The following ELOVL7 variants were observed in gnomAD, a reference collection of about 807,000 sequenced individuals.
ELOVL7 encodes ELOVL fatty acid elongase 7.
A neutral mutation model predicts 35.7 loss-of-function variants in ELOVL7; 27 were observed. That is an observed-to-expected ratio of 0.76 (90% confidence interval 0.56 to 1.04). The LOEUF (loss-of-function observed/expected upper bound fraction) is 1.04, where lower values mean the gene tolerates loss of function less well. Among genes scored for constraint, ELOVL7 ranks in the 50% least tolerant of loss-of-function variants. The pLI, the probability that ELOVL7 is intolerant of heterozygous loss-of-function variation, is 0.00. For synonymous variants in ELOVL7, 113 were observed against 114.6 expected, an observed-to-expected ratio of 0.99 and a Z score of 0.09; for missense variants, 327 against 340.8, an observed-to-expected ratio of 0.96 and a Z score of 0.32.
At position 60,806,799 on chromosome 5, in the gene ELOVL7, TAGAA is replaced by T. The variant is rs1195507765; in HGVS notation, c.-85-7573_-85-7570del. ...TCAGGGAACACCCATGCTGGGGAAA[TAGAA>T]AGAGAATCCAGGGACAAACATAAAG... is the stretch of plus-strand genomic sequence containing the variant. On this transcript the variant is annotated intron_variant, in intron 1 of 8. Transcript: ENST00000508821. Among the ~76,000 whole-genome samples, 14 of 151,878 alleles carry T rather than the reference TAGAA, an allele frequency of 9.2e-5. No homozygotes were observed. The East Asian group carries it at 2.5e-3, about 27-fold the overall frequency.
At chr5:60,775,489 A>T (rs1455483693) in intron 3 of ELOVL7, among the ~76,000 whole-genome samples, 1 of 152,220 alleles carries the variant, frequency 6.6e-6, no homozygotes, top group Non-Finnish European at 1.5e-5. Flanking sequence ...TCTCAAATTC[A>T]TAGAAAACCA....
chr5:60,793,173 G>A (rs911699521), intron 2 of ELOVL7, among the ~76,000 whole-genome samples: 2 of 152,166 alleles, frequency 1.3e-5, no homozygotes, highest in Admixed American at 6.5e-5. Context: ...AGCACCCACT[G>A]TACCTCTCAA....
chr5:60,828,058 G>T (rs1385555401), intron 1 of ELOVL7, among the ~76,000 whole-genome samples: 1 of 152,074 alleles, frequency 6.6e-6, no homozygotes, highest in Non-Finnish European at 1.5e-5. Context: ...GCAGCAATGT[G>T]AATCCCCAGC....
At chr5:60,784,273 G>T in intron 3 of ELOVL7, 1 of 568,526 alleles carries the variant, frequency 1.8e-6, no homozygotes, top group Non-Finnish European at 2.9e-6. Flanking sequence ...TTTCAGAATG[G>T]CAGCAATCTT....
At chr5:60,833,306 C>G (rs1340857573) in intron 1 of ELOVL7, among the ~76,000 whole-genome samples, 1 of 152,192 alleles carries the variant, frequency 6.6e-6, no homozygotes, top group Non-Finnish European at 1.5e-5. Context: ...AATGACCTCT[C>G]AGGTCCTTTG....
intron 1 of ELOVL7, among the ~76,000 whole-genome samples, chr5:60,821,770 T>C (rs1579919492): frequency 1.3e-5 from 2 of 152,216 alleles, no homozygotes; most frequent in East Asian, 3.9e-4. Context: ...CATTTAGAAA[T>C]GTTTATAGCA....
intron 4 of ELOVL7, among the ~76,000 whole-genome samples, chr5:60,771,411 GCT>G (rs1269717687): frequency 6.6e-6 from 1 of 152,142 alleles, no homozygotes; most frequent in African/African-American, 2.4e-5. Flanking sequence ...ATGAGTCTAT[GCT>G]CTCTGTCCCC....
At chr5:60,797,267 A>G (rs1470984011) in intron 2 of ELOVL7, among the ~76,000 whole-genome samples, 1 of 152,108 alleles carries the variant, frequency 6.6e-6, no homozygotes, top group African/African-American at 2.4e-5. Context: ...CATTCCACCT[A>G]TTACACAGGA....
In ELOVL7 at chr5:60,764,155, T is replaced by C. The variant is rs1561423232; in HGVS notation, c.499+72A>G. ...TTTGAGTTTCTTATAAATCACATTT[T>C]AGAAAAATATTTTGTTTTTAGCATA... On this transcript the variant is annotated intron_variant, in intron 7 of 8. Coordinates refer to ENST00000508821, the MANE Select transcript of ELOVL7 (RefSeq NM_024930.3). 9 of 982,630 alleles carry C rather than the reference T, an allele frequency of 9.2e-6. No homozygotes were observed. In the South Asian group the frequency reaches 1.2e-4, roughly 13 times the overall value. 60.9% of individuals were successfully genotyped at this position (982,630 alleles called of 1,614,324 possible). A position where few individuals can be genotyped will look rare whatever the true frequency, so the allele number is the denominator to read the frequency against.
intron 1 of ELOVL7, among the ~76,000 whole-genome samples, chr5:60,825,769 G>A (rs953878839): frequency 1.3e-5 from 2 of 152,240 alleles, no homozygotes; most frequent in Non-Finnish European, 2.9e-5. Flanking sequence ...AAAGGACAGA[G>A]CTGAAAGTAT....
intron 1 of ELOVL7, among the ~76,000 whole-genome samples, chr5:60,817,840 GTGTGTGTGTATA>G (rs1745620388): frequency 1.4e-5 from 2 of 144,438 alleles, no homozygotes; most frequent in African/African-American, 5.1e-5. Flanking sequence ...ATGTGTGTGT[GTGTGTGTGTATA>G]TATATATATA....
At chr5:60,776,416 A>G in intron 3 of ELOVL7, among the ~76,000 whole-genome samples, 1 of 152,196 alleles carries the variant, frequency 6.6e-6, no homozygotes, top group African/African-American at 2.4e-5. Flanking sequence ...ATATACATAC[A>G]CTTGCATGTT....
intron 7 of ELOVL7, among the ~76,000 whole-genome samples, chr5:60,762,355 T>C (rs1254607977): frequency 6.6e-6 from 1 of 151,490 alleles, no homozygotes; most frequent in African/African-American, 2.4e-5. Flanking sequence ...TTCTCATTAT[T>C]GAAAGCACTG....
chr5:60,781,482 C>A (rs1295540159), intron 3 of ELOVL7, among the ~76,000 whole-genome samples: 1 of 151,912 alleles, frequency 6.6e-6, no homozygotes, highest in Non-Finnish European at 1.5e-5. Context: ...GACATCATTT[C>A]TCTGTTCTTC....
At chr5:60,789,975 A>C (rs929777870) in intron 2 of ELOVL7, among the ~76,000 whole-genome samples, 5 of 152,110 alleles carry the variant, frequency 3.3e-5, no homozygotes, top group Non-Finnish European at 7.3e-5. Context: ...CTGTTTCTAT[A>C]AAAATACAAA....
chr5:60,766,365 G>GA (rs1742236154), intron 6 of ELOVL7, among the ~76,000 whole-genome samples: 1 of 152,010 alleles, frequency 6.6e-6, no homozygotes, highest in Non-Finnish European at 1.5e-5. Context: ...GCAAAATACT[G>GA]AAAAAATAAG....
intron 1 of ELOVL7, among the ~76,000 whole-genome samples, chr5:60,826,536 A>C (rs1173819603): frequency 2.6e-5 from 4 of 152,218 alleles, no homozygotes; most frequent in African/African-American, 9.7e-5. Context: ...TAAAAGTTCC[A>C]AATTGCAAGG....
At chr5:60,824,262 T>C (rs1746043000) in intron 1 of ELOVL7, among the ~76,000 whole-genome samples, 2 of 152,210 alleles carry the variant, frequency 1.3e-5, no homozygotes, top group Non-Finnish European at 1.5e-5. Flanking sequence ...CAGAGACCTT[T>C]ACAGTGCTGT....
chr5:60,792,350 C>T (rs949148744), intron 2 of ELOVL7, among the ~76,000 whole-genome samples: 12 of 152,160 alleles, frequency 7.9e-5, no homozygotes, highest in Non-Finnish European at 1.8e-4. Context: ...TCCCCCTTAC[C>T]TTGTTGGAAC....
Sources: gnomAD v4.1 joint callset for allele counts (sites outside exome capture counted in the v4.1 genomes callset) on GRCh38, gnomAD v4.1.1 for gene constraint, MANE v1.5 for transcripts, NCBI Gene and HGNC (gene_info 2026-07-23, HGNC 2026-07-21) for gene names.